GREM2: variants seen among roughly 807,000 people sequenced by gnomAD.
GREM2 encodes the protein gremlin-2.
Under a neutral mutation model 14.2 loss-of-function variants are expected in GREM2, and 11 were observed. The ratio of observed to expected loss-of-function variants is 0.78; its 90% CI spans 0.49 to 1.28. GREM2 has a LOEUF of 1.28. GREM2 is among the 50% of genes most tolerant of loss of function. The pLI, the probability that GREM2 is intolerant of heterozygous loss-of-function variation, is 0.00. For synonymous variants in GREM2, 98 were observed against 97.6 expected, an observed-to-expected ratio of 1.00 and a Z score of -0.02; for missense variants, 210 against 218.5, an observed-to-expected ratio of 0.96 and a Z score of 0.24.
rs1679428435 is a variant in GREM2 at position 240,579,039 on chromosome 1, C to A, written c.-2+32845G>T. Among the ~76,000 whole-genome samples, 3 of 152,266 alleles carry A rather than the reference C, an allele frequency of 2.0e-5. No individual in the cohort carries two copies. The South Asian group carries it at 6.2e-4, about 32-fold the overall frequency. On this transcript the variant is annotated intron_variant, in intron 1 of 1. Coordinates refer to ENST00000318160, the MANE Select transcript of GREM2 (RefSeq NM_022469.4). ...CACTTTCTAGGTCAGAAGATGCTTT[C>A]TCTTTTCCCTTCAGACTCTCATTGT... is the stretch of plus-strand genomic sequence containing the variant.
At chr1:240,591,691 G>A (rs1446387448) in intron 1 of GREM2, among the ~76,000 whole-genome samples, 1 of 152,118 alleles carries the variant, frequency 6.6e-6, no homozygotes, top group African/African-American at 2.4e-5. Context: ...GGATTGGGTT[G>A]CCCAAGACCT....
rs200521974 is a variant in GREM2 at position 240,493,420 on chromosome 1, G to C, written c.56C>G (p.Ala19Gly). 12 of 1,612,336 alleles carry C rather than the reference G, an allele frequency of 7.4e-6. No homozygotes were observed. The East Asian group carries it at 8.9e-5, about 12-fold the overall frequency. The change falls in exon 2 of 2, where the codon GCG (alanine) becomes GGG (glycine). Residue 19 changes from alanine to glycine, a missense_variant. Coordinates refer to ENST00000318160, the MANE Select transcript of GREM2 (RefSeq NM_022469.4). ...CGCCGGCCGGTTCTTCCGGGCTTCCGCCACCTTCACCAGCACCGCCACCAG... is the reference window on the plus strand; with the variant it reads ...CGCCGGCCGGTTCTTCCGGGCTTCCCCCACCTTCACCAGCACCGCCACCAG... ...LFLVAVLVKVAEARKNRPAGA... is the reference protein window; with the variant it reads ...LFLVAVLVKVGEARKNRPAGA...
chr1:240,535,105 ATTAG>A (rs1418836771), intron 1 of GREM2, among the ~76,000 whole-genome samples: 1 of 152,204 alleles, frequency 6.6e-6, no homozygotes, highest in Non-Finnish European at 1.5e-5. Flanking sequence ...ACATAGAGCT[ATTAG>A]TTAAATATAA....
intron 1 of GREM2, among the ~76,000 whole-genome samples, chr1:240,602,921 A>G (rs375965185): frequency 5.3e-5 from 8 of 151,866 alleles, no homozygotes; most frequent in African/African-American, 1.9e-4. Context: ...AAAATACAAA[A>G]TACTAGCCGG....
At chr1:240,557,523 C>T (rs1406051163) in intron 1 of GREM2, among the ~76,000 whole-genome samples, 1 of 152,092 alleles carries the variant, frequency 6.6e-6, no homozygotes, top group Non-Finnish European at 1.5e-5. Flanking sequence ...AGAGCAAGGA[C>T]TTTAAATTTC....
At chr1:240,537,397 C>A (rs1436570052) in intron 1 of GREM2, among the ~76,000 whole-genome samples, 1 of 152,006 alleles carries the variant, frequency 6.6e-6, no homozygotes, top group Non-Finnish European at 1.5e-5. Flanking sequence ...AAGTTGTCTA[C>A]CCAGAGAACA....
Position 240,522,044 on chromosome 1 carries a change from C to T in GREM2, c.-1-28568G>A, listed in dbSNP as rs146362890. 4.8e-3 allele frequency among the ~76,000 whole-genome samples: 715 copies of T among 148,670 alleles called. 4 individuals carry two copies. The highest frequency in any genetic ancestry group is 7.4e-3 in the Non-Finnish European group (499 of 67,588). ...CTGATGTAGGAGGATTGCTTGAGCC[C>T]AGGAGGTTGAGGTTTCAGTGAGCCA... On this transcript the variant is annotated intron_variant, in intron 1 of 1. Coordinates refer to ENST00000318160, the MANE Select transcript of GREM2 (RefSeq NM_022469.4).
chr1:240,493,139 CCTT>C lies in GREM2; in HGVS notation c.334_336del (p.Lys112del). ...GCGCAGGACTGGAAGGACTCCTCCT[CCTT>C]CTTCACGTGCCGCGGGATGTAGAAG... is the stretch of plus-strand genomic sequence containing the variant. On this transcript the variant is annotated inframe_deletion, in exon 2 of 2. Coordinates refer to ENST00000318160, the MANE Select transcript of GREM2 (RefSeq NM_022469.4). The C allele has an allele frequency of 6.2e-6, 10 of 1,614,208 alleles. No homozygotes were observed. Among genetic ancestry groups the C allele is most frequent in the Non-Finnish European group, 8.5e-6 (10 of 1,180,032 alleles).
At chr1:240,562,708 C>CGTGTGTGT (rs10643403) in intron 1 of GREM2, among the ~76,000 whole-genome samples, 2,858 of 150,480 alleles carry the variant, frequency 0.019, 73 homozygotes, top group African/African-American at 0.066. Context: ...ACAGGATTGC[C>CGTGTGTGT]GTGTGTGTGT....
chr1:240,522,736 C>T (rs994611314), intron 1 of GREM2, among the ~76,000 whole-genome samples: 3 of 152,150 alleles, frequency 2.0e-5, no homozygotes, highest in African/African-American at 7.2e-5. Context: ...ACTTCGTGCT[C>T]CTGTGTCACT....
intron 1 of GREM2, among the ~76,000 whole-genome samples, chr1:240,546,483 C>G (rs1022937842): frequency 6.6e-6 from 1 of 152,202 alleles, no homozygotes; most frequent in Non-Finnish European, 1.5e-5. Flanking sequence ...CATGTCACTA[C>G]AAGGTCATCA....
intron 1 of GREM2, among the ~76,000 whole-genome samples, chr1:240,561,039 G>T (rs9428851): frequency 0.15 from 23,452 of 152,114 alleles, 4,669 homozygotes; most frequent in African/African-American, 0.46. Context: ...CACGACTTAA[G>T]AAATAGATAA....
At position 240,543,739 on chromosome 1, in the gene GREM2, T is replaced by G. The variant is rs116062154; in HGVS notation, c.-1-50263A>C. Among the ~76,000 whole-genome samples the G allele has an allele frequency of 0.012, 1,785 of 152,302 alleles. 35 individuals are homozygous for G. The highest frequency in any genetic ancestry group is 0.04 in the African/African-American group (1,653 of 41,568). On this transcript the variant is annotated intron_variant, in intron 1 of 1. Coordinates refer to ENST00000318160, the MANE Select transcript of GREM2 (RefSeq NM_022469.4). The surrounding 1 kb of genome is among the most constrained non-coding windows in gnomAD (Gnocchi z 6.4). ...TTACTATATTAAACCTACCTTGACA[T>G]TGATCTTTTATAGAAATTACTAAGT...
At chr1:240,562,841 TGA>T (rs1679077778) in intron 1 of GREM2, among the ~76,000 whole-genome samples, 1 of 150,000 alleles carries the variant, frequency 6.7e-6, no homozygotes, top group Admixed American at 6.6e-5. Context: ...TGTGTGTATA[TGA>T]GTGTGTATGT....
At chr1:240,546,389 C>T (rs1678719023) in intron 1 of GREM2, among the ~76,000 whole-genome samples, 1 of 151,630 alleles carries the variant, frequency 6.6e-6, no homozygotes, top group Non-Finnish European at 1.5e-5. Context: ...TATTCATTTG[C>T]ATTAACCACT....
intron 1 of GREM2, among the ~76,000 whole-genome samples, chr1:240,565,774 A>T (rs1679166270): frequency 1.3e-5 from 2 of 149,488 alleles, no homozygotes; most frequent in Non-Finnish European, 3.0e-5. Context: ...TGAACCTGGG[A>T]GGCAGAGGTT....
In GREM2 at chr1:240,542,690, T is replaced by A. The variant is rs1678620357; in HGVS notation, c.-1-49214A>T. 6.6e-6 allele frequency among the ~76,000 whole-genome samples: 1 copy of A among 152,034 alleles called. No homozygotes were observed. Among genetic ancestry groups the A allele is most frequent in the African/African-American group, 2.4e-5 (1 of 41,416 alleles). On this transcript the variant is annotated intron_variant, in intron 1 of 1. Transcript: ENST00000318160. This position sits in a 1 kb window ranked among gnomAD's most constrained non-coding sequence, Gnocchi z 4.1. ...TTTTCTCAGAAGGCTTGATCACACT[T>A]TGGATTTTTTTTTCACTCAGTTTTG...
intron 1 of GREM2, among the ~76,000 whole-genome samples, chr1:240,519,072 A>G (rs1232779421): frequency 1.3e-5 from 2 of 152,228 alleles, no homozygotes; most frequent in East Asian, 1.9e-4. Flanking sequence ...GAATTTTACA[A>G]TAGATTCTCT....
intron 1 of GREM2, among the ~76,000 whole-genome samples, chr1:240,597,664 A>G (rs956500211): frequency 1.4e-4 from 21 of 152,214 alleles, no homozygotes; most frequent in Non-Finnish European, 4.4e-5. Context: ...TGCTTGGCAC[A>G]TTGTAGAAAC....
Sources: allele counts gnomAD v4.1 joint callset (sites outside exome capture counted in the v4.1 genomes callset), GRCh38; gene constraint gnomAD v4.1.1; non-coding constraint Gnocchi (gnomAD v3.1); transcripts MANE v1.5; gene names NCBI Gene and HGNC (gene_info 2026-07-23, HGNC 2026-07-21).